The following ITGA7 variants were observed in gnomAD, a reference collection of about 807,000 sequenced individuals.
ITGA7 encodes the protein integrin alpha-7.
A neutral mutation model predicts 131.6 loss-of-function variants in ITGA7; 84 were observed. The ratio of observed to expected loss-of-function variants is 0.64; its 90% CI spans 0.54 to 0.77. ITGA7 has a LOEUF of 0.77. ITGA7 is among the 30% of genes least tolerant of loss of function. The probability of loss-of-function intolerance (pLI) is 0.00; values close to 1 mark genes in which losing one functional copy is unlikely to be tolerated. For missense variants in ITGA7, 1,399 were observed against 1,482.9 expected (o/e 0.94, Z 0.93); for synonymous variants, 548 against 600.7 (o/e 0.91, Z 1.28).
chr12:55,693,920 C>T, intron 19 of ITGA7, 101 bp downstream of exon 19: 1 of 947,986 alleles, frequency 1.1e-6, no homozygotes, highest in Non-Finnish European at 1.7e-6. Flanking sequence ...CTGCATGCTG[C>T]CACATGGTAG....
chr12:55,699,989 C>A lies in ITGA7; in HGVS notation c.671G>T (p.Gly224Val). ...FGAPGTYNWK[G>V]LLFVTNIDSS... ...ATCAATGTTGGTCACAAAAAGCAAC[C>A]CTGTGGGGGGTGGGGTGAGACACCA... is the stretch of plus-strand genomic sequence containing the variant. Residue 224 changes from glycine (G) to valine (V), a missense_variant and splice_region_variant, in exon 5 of 25, where the codon GGG becomes GTG. Physicochemically the swap from Gly to Val is moderately radical, Grantham distance 109 (BLOSUM62 -3). Coordinates refer to ENST00000257879, the MANE Select transcript of ITGA7 (RefSeq NM_002206.3). The A allele has an allele frequency of 6.2e-7, 1 of 1,613,946 alleles. No individual in the cohort carries two copies. The highest frequency in any genetic ancestry group is 8.5e-7 in the Non-Finnish European group (1 of 1,180,006).
At chr12:55,716,054 G>C (rs763485368), upstream of ITGA7, 126 of 1,554,936 alleles carry the variant, frequency 8.1e-5, no homozygotes, top group Non-Finnish European at 1.0e-4. Context: ...CACGTGACAT[G>C]GCCCCGGGGA....
In ITGA7 at chr12:55,697,294, G is replaced by A; in HGVS notation, c.1506-17C>T. On this transcript the variant is annotated splice_polypyrimidine_tract_variant and intron_variant, in intron 10 of 24. Coordinates refer to ENST00000257879, the MANE Select transcript of ITGA7 (RefSeq NM_002206.3). Reference sequence around the variant, plus strand: ...AGGTCCACACTGCGGGGGCAAAGGTGGCTCCTGAGCCAAACGAGGCTGATG... The same window carrying A: ...AGGTCCACACTGCGGGGGCAAAGGTAGCTCCTGAGCCAAACGAGGCTGATG... 6.3e-7 allele frequency: 1 copy of A among 1,589,820 alleles called. No individual in the cohort carries two copies. The highest frequency in any genetic ancestry group is 8.6e-7 in the Non-Finnish European group (1 of 1,168,144).
chr12:55,716,024 A>G (rs1427053663), upstream of ITGA7: 2 of 1,533,234 alleles, frequency 1.3e-6, no homozygotes, highest in East Asian at 4.9e-5. Context: ...GCGGTTCCCA[A>G]CCTCACGTGA....
upstream of ITGA7, chr12:55,716,175 A>G: frequency 6.2e-7 from 1 of 1,611,864 alleles, no homozygotes; most frequent in Non-Finnish European, 8.5e-7. Context: ...GGCCAAGCAG[A>G]ATGAACGCAA....
chr12:55,694,767 C>A lies in ITGA7; in HGVS notation c.2196+11G>T. 8 of 1,614,056 alleles carry A rather than the reference C, an allele frequency of 5.0e-6. No individual in the cohort carries two copies. The highest frequency in any genetic ancestry group is 6.8e-6 in the Non-Finnish European group (8 of 1,179,972). The stretch of plus-strand genomic sequence containing the variant: ...TCAAGACCCCACCCCATCCTGCCCC[C>A]AGGTCCTCACCGCAGGGTCCAGGGC... On this transcript the variant is annotated intron_variant, in intron 15 of 24. Coordinates refer to ENST00000257879, the MANE Select transcript of ITGA7 (RefSeq NM_002206.3). This position sits in a 1 kb window ranked among gnomAD's most constrained non-coding sequence, Gnocchi z 5.3.
At position 55,701,096 on chromosome 12, in the gene ITGA7, T is replaced by A; in HGVS notation, c.473A>T (p.Asp158Val). Residue 158 changes from aspartate (D) to valine (V), a missense_variant, in exon 4 of 25, where the codon GAT becomes GTT. Coordinates refer to ENST00000257879, the MANE Select transcript of ITGA7 (RefSeq NM_002206.3). The part of the protein sequence containing the change: ...QRVDQILETR[D>V]MIGRCFVLSQ... ...GAGCACAAAGCAGCGACCAATCATA[T>A]CCCGCGTCTCCAGGATCTGGTCCAC... The A allele has an allele frequency of 6.2e-7, 1 of 1,614,154 alleles. No homozygotes were observed. Among genetic ancestry groups the A allele is most frequent in the Admixed American group, 1.7e-5 (1 of 60,024 alleles).
chr12:55,697,082 G>A lies in ITGA7; in HGVS notation c.1568-14C>T, dbSNP rs1290951274. ...CATAGTCCAGGGCTGTGGCATGTTG[G>A]GAAAGGAGGAGCTGCTGAGCTGCAG... is the stretch of plus-strand genomic sequence containing the variant. On this transcript the variant is annotated splice_polypyrimidine_tract_variant and intron_variant, in intron 11 of 24. Coordinates refer to ENST00000257879, the MANE Select transcript of ITGA7 (RefSeq NM_002206.3). 4 of 1,612,358 alleles carry A rather than the reference G, an allele frequency of 2.5e-6. No individual in the cohort carries two copies. Among genetic ancestry groups the A allele is most frequent in the Non-Finnish European group, 1.7e-6 (2 of 1,179,174 alleles).
chr12:55,686,272 TG>T, intron 24 of ITGA7: 1 of 1,346,764 alleles, frequency 7.4e-7, no homozygotes, highest in South Asian at 1.2e-5. Flanking sequence ...TGATAGTTGG[TG>T]GGAAAAGATG....
chr12:55,716,016 G>A (rs1260758422), upstream of ITGA7: 1 of 1,520,582 alleles, frequency 6.6e-7, no homozygotes, highest in South Asian at 1.2e-5. Flanking sequence ...TCAAGAGGGC[G>A]GTTCCCAACC....
intron 5 of ITGA7, chr12:55,699,438 C>T: frequency 3.6e-6 from 1 of 280,314 alleles, no homozygotes; most frequent in Non-Finnish European, 6.9e-6. Context: ...GCCTGCTTCA[C>T]CCAAACATCT....
At chr12:55,693,045 C>A in intron 20 of ITGA7, 70 bp from the exon 21 acceptor site, 1 of 1,612,482 alleles carries the variant, frequency 6.2e-7, no homozygotes, top group South Asian at 1.1e-5. Flanking sequence ...AATCTCCTCC[C>A]CACCGCCTTC....
intron 4 of ITGA7, chr12:55,700,529 G>A (rs1030053895): frequency 9.6e-7 from 1 of 1,039,880 alleles, no homozygotes; most frequent in Non-Finnish European, 1.4e-6. Context: ...CCCAACCCAG[G>A]CTTCCTGGGG....
intron 3 of ITGA7, 133 bp from the exon 4 acceptor site, chr12:55,701,287 A>G (rs909934450): frequency 1.3e-6 from 2 of 1,577,564 alleles, no homozygotes; most frequent in Non-Finnish European, 1.7e-6. Context: ...GCACACATAC[A>G]CACACACCCC....
chr12:55,689,104 C>A, intron 21 of ITGA7, 147 bp from the exon 22 acceptor site: 1 of 654,760 alleles, frequency 1.5e-6, no homozygotes, highest in East Asian at 2.8e-5. Flanking sequence ...AGCTGCCTGC[C>A]CCAAATCTGA....
At chr12:55,712,013 G>C (rs944059475), upstream of ITGA7, 25 of 1,445,230 alleles carry the variant, frequency 1.7e-5, no homozygotes, top group Non-Finnish European at 2.4e-5. Flanking sequence ...CCAAGGTCAG[G>C]CTTTTCCGTC....
chr12:55,696,454 C>T, intron 12 of ITGA7, 22 bp from the exon 13 acceptor site: 1 of 1,586,430 alleles, frequency 6.3e-7, no homozygotes, highest in East Asian at 2.3e-5. Context: ...AAGGTCTATT[C>T]CTCACTGGAA....
chr12:55,697,661 G>A (rs1303056414), intron 9 of ITGA7, 34 bp downstream of exon 9: 1 of 1,614,060 alleles, frequency 6.2e-7, no homozygotes, highest in African/African-American at 1.3e-5. Context: ...GGGGCTGACG[G>A]CCTCAGGGAG....
At chr12:55,716,099 G>T, upstream of ITGA7, 1 of 1,597,194 alleles carries the variant, frequency 6.3e-7, no homozygotes, top group East Asian at 2.3e-5. Context: ...GGAGCCGGAG[G>T]GGGCCCGGCG....
Sources: allele counts gnomAD v4.1 joint callset, GRCh38; gene constraint gnomAD v4.1.1; non-coding constraint Gnocchi (gnomAD v3.1); transcripts MANE v1.5; gene names NCBI Gene and HGNC (gene_info 2026-07-23, HGNC 2026-07-21).